Variants in PLXDC2 observed in about 807,000 individuals in gnomAD.
PLXDC2 encodes plexin domain-containing protein 2.
Under a neutral mutation model 68.9 loss-of-function variants are expected in PLXDC2, and 40 were observed. That is an observed-to-expected ratio of 0.58 (90% CI 0.45 to 0.76). The LOEUF (loss-of-function observed/expected upper bound fraction) is 0.76, where lower values mean the gene tolerates loss of function less well. Ranked by LOEUF, PLXDC2 falls within the 30% of genes least tolerant of loss-of-function variation. PLXDC2 has a pLI of 0.00. For missense variants in PLXDC2, 644 were observed against 661.9 expected (o/e 0.97, Z 0.30); for synonymous variants, 243 against 234.2 (o/e 1.04, Z -0.34).
intron 7 of PLXDC2, among the ~76,000 whole-genome samples, chr10:20,174,632 G>A (rs1389533265): frequency 2.0e-5 from 3 of 151,706 alleles, no homozygotes; most frequent in Admixed American, 1.3e-4. Flanking sequence ...ATCACACAAT[G>A]GGGCCTGTTG....
intron 11 of PLXDC2, 93 bp from the exon 12 acceptor site, chr10:20,218,971 C>T: frequency 7.3e-7 from 1 of 1,375,442 alleles, no homozygotes; most frequent in African/African-American, 1.5e-5. Flanking sequence ...ATGTTCCGAC[C>T]AAGGCAGTTA....
intron 1 of PLXDC2, among the ~76,000 whole-genome samples, chr10:19,988,234 T>C (rs1834682448): frequency 6.6e-6 from 1 of 152,206 alleles, no homozygotes; most frequent in Admixed American, 6.5e-5. Context: ...AATTGGAAAA[T>C]ACCTGATATG....
At chr10:20,063,380 A>G (rs967085232) in intron 3 of PLXDC2, among the ~76,000 whole-genome samples, 1 of 152,232 alleles carries the variant, frequency 6.6e-6, no homozygotes, top group African/African-American at 2.4e-5. Context: ...TCCTAAAACA[A>G]AAAGAAGTTT....
At chr10:20,176,958 A>G (rs750179983) in intron 7 of PLXDC2, 41 bp from the exon 8 acceptor site, 25 of 1,419,152 alleles carry the variant, frequency 1.8e-5, no homozygotes, top group Non-Finnish European at 2.4e-5. Context: ...TTTGTAAGCG[A>G]GGAAAGGTTA....
At chr10:19,921,923 T>A (rs1264185545) in intron 1 of PLXDC2, among the ~76,000 whole-genome samples, 1 of 152,198 alleles carries the variant, frequency 6.6e-6, no homozygotes, top group Non-Finnish European at 1.5e-5. Flanking sequence ...AGTGGCATGA[T>A]CTTGGCTCAT....
chr10:19,823,420 C>CTTTT (rs1403451597), intron 1 of PLXDC2, among the ~76,000 whole-genome samples: 1 of 151,704 alleles, frequency 6.6e-6, no homozygotes, highest in Non-Finnish European at 1.5e-5. Context: ...GTGGCTCACA[C>CTTTT]CTGTGATCCC....
chr10:20,253,598 C>A (rs1835706775), intron 13 of PLXDC2, among the ~76,000 whole-genome samples: 1 of 151,978 alleles, frequency 6.6e-6, no homozygotes, highest in Non-Finnish European at 1.5e-5. Flanking sequence ...TATTTTCTAT[C>A]AGCAAAATCA....
At chr10:20,086,361 A>AT (rs1833196044) in intron 4 of PLXDC2, among the ~76,000 whole-genome samples, 1 of 140,426 alleles carries the variant, frequency 7.1e-6, no homozygotes, top group African/African-American at 2.9e-5. Context: ...TTTATTTTTT[A>AT]ATTTTTTTTT....
At chr10:20,027,239 G>A (rs10764186) in intron 2 of PLXDC2, among the ~76,000 whole-genome samples, 129,696 of 151,958 alleles carry the variant, frequency 0.85, 55,580 homozygotes, top group African/African-American at 0.91. Flanking sequence ...ATATGATTGA[G>A]GCTTAATCCC....
At chr10:20,180,744 G>T (rs1026826832) in intron 9 of PLXDC2, among the ~76,000 whole-genome samples, 3 of 151,996 alleles carry the variant, frequency 2.0e-5, no homozygotes, top group Non-Finnish European at 4.4e-5. Context: ...CAAAATGTTT[G>T]CAATGGCTTT....
intron 1 of PLXDC2, among the ~76,000 whole-genome samples, chr10:19,991,931 A>G (rs1834758280): frequency 6.6e-6 from 1 of 152,154 alleles, no homozygotes; most frequent in Admixed American, 6.5e-5. Flanking sequence ...TGGTTGGCGG[A>G]CTCAAACTTT....
At chr10:20,126,396 C>CACGTT (rs1564324973) in intron 4 of PLXDC2, among the ~76,000 whole-genome samples, 1 of 137,074 alleles carries the variant, frequency 7.3e-6, no homozygotes, top group African/African-American at 3.0e-5. Flanking sequence ...TTATATAATA[C>CACGTT]ATATATGTAT....
At chr10:19,964,075 C>T (rs1320979888) in intron 1 of PLXDC2, among the ~76,000 whole-genome samples, 1 of 152,202 alleles carries the variant, frequency 6.6e-6, no homozygotes, top group Non-Finnish European at 1.5e-5. Context: ...AAGCAATGTT[C>T]TGCCAGTGAA....
At chr10:20,266,980 C>T (rs1011395241) in intron 13 of PLXDC2, among the ~76,000 whole-genome samples, 1 of 152,114 alleles carries the variant, frequency 6.6e-6, no homozygotes, top group Admixed American at 6.6e-5. Context: ...AAGGAAACAT[C>T]AAACGAAGTC....
At chr10:20,226,392 A>G (rs893557956) in intron 12 of PLXDC2, among the ~76,000 whole-genome samples, 4 of 152,192 alleles carry the variant, frequency 2.6e-5, no homozygotes, top group African/African-American at 9.6e-5. Flanking sequence ...AGGGAGGCCA[A>G]AATATTGGAC....
At chr10:20,059,895 A>G (rs1465115563) in intron 3 of PLXDC2, among the ~76,000 whole-genome samples, 1 of 152,234 alleles carries the variant, frequency 6.6e-6, no homozygotes, top group African/African-American at 2.4e-5. Flanking sequence ...ACTTTAGGGT[A>G]TAACAAGGAA....
At chr10:19,866,602 G>A (rs892663156) in intron 1 of PLXDC2, among the ~76,000 whole-genome samples, 1 of 152,028 alleles carries the variant, frequency 6.6e-6, no homozygotes, top group Non-Finnish European at 1.5e-5. Flanking sequence ...AAACTGATAC[G>A]GGGTTCATTC....
chr10:20,187,206 A>G (rs1834697401), intron 9 of PLXDC2, among the ~76,000 whole-genome samples: 1 of 151,856 alleles, frequency 6.6e-6, no homozygotes, highest in Non-Finnish European at 1.5e-5. Context: ...GAACAAAGCA[A>G]TAAAGCCTGC....
At chr10:20,271,465 TCAA>T (rs1564372639) in intron 13 of PLXDC2, among the ~76,000 whole-genome samples, 1 of 152,146 alleles carries the variant, frequency 6.6e-6, no homozygotes, top group African/African-American at 2.4e-5. Context: ...TGAAAAGAAT[TCAA>T]CAAGAGAAGA....
Sources: allele counts gnomAD v4.1 joint callset (sites outside exome capture counted in the v4.1 genomes callset), GRCh38; gene constraint gnomAD v4.1.1; transcripts MANE v1.5; gene names NCBI Gene and HGNC (gene_info 2026-07-23, HGNC 2026-07-21).